Variants in SLC4A10 observed in about 807,000 individuals in gnomAD.
SLC4A10 encodes sodium-driven chloride bicarbonate exchanger.
A neutral mutation model predicts 137.7 loss-of-function variants in SLC4A10; 42 were observed. That is an observed-to-expected ratio of 0.30 (90% CI 0.24 to 0.39). SLC4A10 has a LOEUF of 0.39. SLC4A10 is among the 10% of genes least tolerant of loss of function. The pLI is 1.00. For missense variants in SLC4A10, 925 were observed against 1,355.0 expected (o/e 0.68, Z 4.98); for synonymous variants, 474 against 464.1 (o/e 1.02, Z -0.27).
intron 11 of SLC4A10, among the ~76,000 whole-genome samples, chr2:161,895,188 T>C (rs1345345584): frequency 6.6e-6 from 1 of 151,864 alleles, no homozygotes; most frequent in Admixed American, 6.6e-5. Context: ...CTTGCGATAG[T>C]TTACTGAGAA....
chr2:161,957,414 T>A (rs139058592), intron 20 of SLC4A10, among the ~76,000 whole-genome samples, 174 bp downstream of exon 20: 14 of 152,298 alleles, frequency 9.2e-5, no homozygotes, highest in Admixed American at 2.6e-4. Context: ...GGAAATTACG[T>A]CCTATATTTT....
intron 15 of SLC4A10, among the ~76,000 whole-genome samples, chr2:161,907,566 C>T (rs537281042): frequency 1.2e-4 from 18 of 152,224 alleles, no homozygotes; most frequent in Non-Finnish European, 2.5e-4. Context: ...AAATGAGTGC[C>T]GGGTTAAGAG....
chr2:161,856,962 A>C (rs1031532775), intron 5 of SLC4A10, among the ~76,000 whole-genome samples: 16 of 152,324 alleles, frequency 1.1e-4, no homozygotes, highest in Non-Finnish European at 2.2e-4. Context: ...AAACTGTCAC[A>C]TTCTACCACC....
rs1031639137 is a variant in SLC4A10 at position 161,641,086 on chromosome 2, T to C, written c.48+16520T>C. On this transcript the variant is annotated intron_variant, in intron 1 of 26. Coordinates refer to ENST00000446997, the MANE Select transcript of SLC4A10 (RefSeq NM_001178015.2). The stretch of plus-strand genomic sequence containing the variant: ...TGAATGAAATGGTTCTTTTGCTTCC[T>C]CAAAAACGACATTTTTTTTTAATTT... Among the ~76,000 whole-genome samples the C allele has an allele frequency of 1.1e-4, 16 of 152,286 alleles. 1 individual carries two copies. The highest frequency in any genetic ancestry group is 2.2e-4 in the Non-Finnish European group (15 of 68,014).
chr2:161,922,691 A>G (rs775243144), intron 15 of SLC4A10, among the ~76,000 whole-genome samples: 1 of 152,190 alleles, frequency 6.6e-6, no homozygotes, highest in Non-Finnish European at 1.5e-5. Context: ...TAGAAAGACT[A>G]TGAGAGATAC....
intron 1 of SLC4A10, among the ~76,000 whole-genome samples, chr2:161,704,714 A>C (rs190241225): frequency 1.3e-3 from 201 of 151,656 alleles, no homozygotes; most frequent in Non-Finnish European, 2.4e-3. Context: ...TATGCTATAT[A>C]TTTTCCTTTA....
chr2:161,661,562 C>G (rs2105711213), intron 1 of SLC4A10, among the ~76,000 whole-genome samples: 1 of 152,360 alleles, frequency 6.6e-6, no homozygotes, highest in African/African-American at 2.4e-5. Context: ...GTTTAGAAAT[C>G]TTCAGGATAG....
chr2:161,704,892 A>C (rs1422635135), intron 1 of SLC4A10, among the ~76,000 whole-genome samples: 1 of 151,658 alleles, frequency 6.6e-6, no homozygotes, highest in Admixed American at 6.6e-5. Flanking sequence ...TATTGCCTTC[A>C]GACAGGAAAT....
chr2:161,953,052 T>C (rs1278418929), intron 19 of SLC4A10, among the ~76,000 whole-genome samples: 1 of 152,176 alleles, frequency 6.6e-6, no homozygotes, highest in Non-Finnish European at 1.5e-5. Context: ...TAATTTTCTT[T>C]TCTCACTTGA....
chr2:161,848,331 T>C (rs1006694762), intron 4 of SLC4A10, among the ~76,000 whole-genome samples: 1 of 152,002 alleles, frequency 6.6e-6, no homozygotes, highest in South Asian at 2.1e-4. Flanking sequence ...ACTCTGTAGG[T>C]TGTTTACTCT....
At chr2:161,645,403 C>T (rs1348087098) in intron 1 of SLC4A10, among the ~76,000 whole-genome samples, 2 of 151,796 alleles carry the variant, frequency 1.3e-5, no homozygotes, top group African/African-American at 2.4e-5. Context: ...TGGATTATGA[C>T]AAAACATTTA....
intron 1 of SLC4A10, among the ~76,000 whole-genome samples, chr2:161,631,965 T>A (rs1240543190): frequency 1.3e-5 from 2 of 151,790 alleles, no homozygotes; most frequent in Non-Finnish European, 3.0e-5. Flanking sequence ...TCATTCATCA[T>A]GAAAATTATG....
chr2:161,917,463 T>C (rs1216850162), intron 15 of SLC4A10, among the ~76,000 whole-genome samples: 2 of 151,392 alleles, frequency 1.3e-5, no homozygotes, highest in African/African-American at 4.9e-5. Flanking sequence ...ACATAAAAAG[T>C]GTATGTTTAA....
At chr2:161,770,892 T>C in intron 1 of SLC4A10, 81 bp from the exon 2 acceptor site, 3 of 953,438 alleles carry the variant, frequency 3.1e-6, no homozygotes, top group Non-Finnish European at 4.8e-6. Flanking sequence ...CCTTGAAATA[T>C]TAAATTATAT....
rs55983659 is a variant in SLC4A10, at chr2:161,856,358, A to AACACACACACACAC, written c.577+1255_577+1268dup. On this transcript the variant is annotated intron_variant, in intron 5 of 26. Transcript: ENST00000446997. The stretch of plus-strand genomic sequence containing the variant: ...TAAGCAAAAACTCCAAAAATACTAA[A>AACACACACACACAC]ACACACACACACACACACACACACA... Among the ~76,000 whole-genome samples, 223 of 141,916 alleles carry AACACACACACACAC rather than the reference A, an allele frequency of 1.6e-3. 2 individuals carry two copies. The highest frequency in any genetic ancestry group is 5.5e-3 in the African/African-American group (209 of 38,252). The allele number at this position is 141,916 out of a possible 152,430, so 93.1% of individuals were successfully genotyped here.
At chr2:161,964,437 C>T in intron 22 of SLC4A10, 129 bp downstream of exon 22, 1 of 1,015,044 alleles carries the variant, frequency 9.9e-7, no homozygotes, top group Non-Finnish European at 1.4e-6. Context: ...TAAGTTTTGG[C>T]ACTGAAAGTG....
chr2:161,979,878 T>G (rs752606633), intron 26 of SLC4A10, among the ~76,000 whole-genome samples: 1 of 152,242 alleles, frequency 6.6e-6, no homozygotes, highest in African/African-American at 2.4e-5. Flanking sequence ...TCATGGAATT[T>G]TGAATAGAAA....
chr2:161,749,104 A>G (rs1320955421), intron 1 of SLC4A10, among the ~76,000 whole-genome samples: 1 of 151,974 alleles, frequency 6.6e-6, no homozygotes, highest in Non-Finnish European at 1.5e-5. Flanking sequence ...AAGAAATGCA[A>G]CTGATTTTTG....
intron 1 of SLC4A10, among the ~76,000 whole-genome samples, chr2:161,650,309 C>G (rs945763649): frequency 2.6e-5 from 4 of 152,240 alleles, no homozygotes; most frequent in Non-Finnish European, 5.9e-5. Context: ...AAAGGTGAGG[C>G]GTCTTTTTTC....
Sources: gnomAD v4.1 joint callset for allele counts (sites outside exome capture counted in the v4.1 genomes callset) on GRCh38, gnomAD v4.1.1 for gene constraint, MANE v1.5 for transcripts, NCBI Gene and HGNC (gene_info 2026-07-23, HGNC 2026-07-21) for gene names.